SKAP2: variants seen among roughly 807,000 people sequenced by gnomAD.
SKAP2 encodes src kinase-associated phosphoprotein 2.
Under a neutral mutation model 54.9 loss-of-function variants are expected in SKAP2, and 28 were observed. The ratio of observed to expected loss-of-function variants is 0.51; its 90% confidence interval spans 0.38 to 0.70. The LOEUF (loss-of-function observed/expected upper bound fraction) is 0.70. Ranked by LOEUF, SKAP2 falls within the 30% of genes least tolerant of loss-of-function variation. The pLI is 0.00. For missense variants in SKAP2, 356 were observed against 424.1 expected (o/e 0.84, Z 1.41); for synonymous variants, 137 against 134.3 (o/e 1.02, Z -0.14).
intron 9 of SKAP2, among the ~76,000 whole-genome samples, chr7:26,714,142 G>A (rs895662132): frequency 1.3e-5 from 2 of 152,082 alleles, no homozygotes; most frequent in Non-Finnish European, 2.9e-5. Context: ...GAGACAACAG[G>A]AACAAAGGGA....
intron 4 of SKAP2, among the ~76,000 whole-genome samples, chr7:26,758,355 A>C (rs1782847393): frequency 6.6e-6 from 1 of 152,236 alleles, no homozygotes. Flanking sequence ...TCATAGCCAG[A>C]AAAATGCCAC....
At chr7:26,674,544 A>G (rs576335999) in intron 11 of SKAP2, among the ~76,000 whole-genome samples, 10 of 152,178 alleles carry the variant, frequency 6.6e-5, no homozygotes, top group Non-Finnish European at 1.0e-4. Flanking sequence ...CTATACATTA[A>G]CTACTTGAAT....
intron 3 of SKAP2, among the ~76,000 whole-genome samples, chr7:26,853,207 C>T (rs982133524): frequency 2.0e-5 from 3 of 152,072 alleles, no homozygotes; most frequent in Non-Finnish European, 4.4e-5. Context: ...CTGTTACCAC[C>T]TTCTCACTTA....
intron 9 of SKAP2, among the ~76,000 whole-genome samples, chr7:26,692,011 T>C (rs1305861448): frequency 6.6e-6 from 1 of 151,988 alleles, no homozygotes; most frequent in Admixed American, 6.6e-5. Context: ...GAAGCTATGC[T>C]TCAGGAATGG....
At chr7:26,820,805 T>C (rs1393156577) in intron 4 of SKAP2, among the ~76,000 whole-genome samples, 1 of 152,222 alleles carries the variant, frequency 6.6e-6, no homozygotes, top group East Asian at 1.9e-4. Flanking sequence ...TGTTCAAACA[T>C]GGATAAAAAT....
intron 4 of SKAP2, among the ~76,000 whole-genome samples, chr7:26,795,732 T>C (rs1368879495): frequency 6.6e-6 from 1 of 152,220 alleles, no homozygotes; most frequent in Non-Finnish European, 1.5e-5. Flanking sequence ...AAGAGTACTG[T>C]TTGAGAAACT....
intron 9 of SKAP2, among the ~76,000 whole-genome samples, chr7:26,712,739 T>C (rs1230622152): frequency 6.6e-6 from 1 of 152,226 alleles, no homozygotes; most frequent in Non-Finnish European, 1.5e-5. Context: ...TTAACCATTA[T>C]TAGTATAATT....
At chr7:26,752,274 G>T (rs193066057) in intron 4 of SKAP2, among the ~76,000 whole-genome samples, 10 of 152,142 alleles carry the variant, frequency 6.6e-5, no homozygotes, top group African/African-American at 2.4e-4. Flanking sequence ...AACTATTTCT[G>T]GCTCCTGGTA....
At chr7:26,716,728 C>G (rs934424449) in intron 9 of SKAP2, among the ~76,000 whole-genome samples, 3 of 152,108 alleles carry the variant, frequency 2.0e-5, no homozygotes, top group Admixed American at 2.0e-4. Context: ...AGATTGCATT[C>G]TATTTCCTTA....
At chr7:26,802,705 AC>A (rs1485598128) in intron 4 of SKAP2, among the ~76,000 whole-genome samples, 1 of 151,580 alleles carries the variant, frequency 6.6e-6, no homozygotes, top group Non-Finnish European at 1.5e-5. Flanking sequence ...ACATGGTGAA[AC>A]CCAGTCTCTA....
At chr7:26,733,845 T>C (rs1376775489) in intron 6 of SKAP2, among the ~76,000 whole-genome samples, 1 of 152,200 alleles carries the variant, frequency 6.6e-6, no homozygotes, top group Non-Finnish European at 1.5e-5. Context: ...GGGCTACTTG[T>C]AGCTCCCATT....
At chr7:26,734,861 G>A (rs1367874770) in intron 6 of SKAP2, among the ~76,000 whole-genome samples, 1 of 151,982 alleles carries the variant, frequency 6.6e-6, no homozygotes, top group Non-Finnish European at 1.5e-5. Flanking sequence ...CAATATCCTT[G>A]GGAGTTAATT....
intron 4 of SKAP2, among the ~76,000 whole-genome samples, chr7:26,764,803 G>A (rs151147449): frequency 2.6e-5 from 4 of 152,088 alleles, no homozygotes; most frequent in East Asian, 1.9e-4. Context: ...CGCCCACCTC[G>A]GCCTCCCAAA....
chr7:26,664,741 A>T (rs546175650), downstream of SKAP2, among the ~76,000 whole-genome samples: 6 of 151,972 alleles, frequency 3.9e-5, no homozygotes, highest in Non-Finnish European at 8.8e-5. Flanking sequence ...AAAAAAAAAA[A>T]AAAAAGAGGA....
intron 9 of SKAP2, among the ~76,000 whole-genome samples, chr7:26,707,362 A>G (rs79876006): frequency 1.4e-5 from 2 of 144,158 alleles, no homozygotes; most frequent in Non-Finnish European, 3.0e-5. Flanking sequence ...ACCATTTCAG[A>G]AAAAAAAAAA....
At chr7:26,749,513 C>A (rs920883349) in intron 4 of SKAP2, among the ~76,000 whole-genome samples, 2 of 151,998 alleles carry the variant, frequency 1.3e-5, no homozygotes, top group African/African-American at 4.8e-5. Flanking sequence ...CTTTGGGAGG[C>A]TGAGGCAGAA....
chr7:26,726,978 T>G lies in SKAP2; in HGVS notation c.498A>C (p.Ile166=). The G allele has an allele frequency of 6.2e-7, 1 of 1,603,254 alleles. No homozygotes were observed. Among genetic ancestry groups the G allele is most frequent in the Non-Finnish European group, 8.5e-7 (1 of 1,175,636 alleles). ...KDKQQKGEFA[I]DGYSVRMNNT... is the part of the protein sequence containing the mutation. The stretch of plus-strand genomic sequence containing the variant: ...TATTCATTCTGACACTGTAGCCATC[T>G]ATTGCAAATTCACCTTTCTGTTGTT... The change falls in exon 7 of 13, where the codon ATA becomes ATC. Residue 166 remains isoleucine, a synonymous_variant. Transcript: ENST00000345317.
intron 9 of SKAP2, among the ~76,000 whole-genome samples, chr7:26,720,167 G>C (rs989198545): frequency 6.6e-6 from 1 of 152,054 alleles, no homozygotes; most frequent in Non-Finnish European, 1.5e-5. Context: ...TTCCCTGGCT[G>C]GGAACCACTG....
chr7:26,836,791 G>A (rs1196430785), intron 4 of SKAP2, among the ~76,000 whole-genome samples: 2 of 152,146 alleles, frequency 1.3e-5, no homozygotes, highest in Non-Finnish European at 2.9e-5. Context: ...ATTCCTCAAG[G>A]ATCTAGAACT....
Sources: allele counts gnomAD v4.1 joint callset (sites outside exome capture counted in the v4.1 genomes callset), GRCh38; gene constraint gnomAD v4.1.1; transcripts MANE v1.5; gene names NCBI Gene and HGNC (gene_info 2026-07-23, HGNC 2026-07-21).